The following HTR2C variants were observed in gnomAD, a reference collection of about 807,000 sequenced individuals.
HTR2C encodes the protein 5-hydroxytryptamine (serotonin) receptor 2C, G protein-coupled.
Under a neutral mutation model 21.0 loss-of-function variants are expected in HTR2C, and 5 were observed. The ratio of observed to expected loss-of-function variants is 0.24; its 90% CI spans 0.12 to 0.50. The LOEUF (loss-of-function observed/expected upper bound fraction) is 0.50, where lower values mean the gene tolerates loss of function less well. HTR2C is among the 20% of genes least tolerant of loss of function. The pLI is 0.98. For synonymous variants in HTR2C, 150 were observed against 145.3 expected (o/e 1.03, Z -0.23); for missense variants, 271 against 371.2 (o/e 0.73, Z 2.22).
intron 4 of HTR2C, among the ~76,000 whole-genome samples, chrX:114,842,703 G>A (rs1399320293): frequency 2.7e-5 from 3 of 111,595 alleles, no homozygotes; most frequent in Non-Finnish European, 3.8e-5. Context: ...GAAGTATAAA[G>A]TTGAGGCTGA....
chrX:114,791,302 T>TGAGTATAG (rs1218543611), intron 4 of HTR2C, among the ~76,000 whole-genome samples: 1 of 112,576 alleles, frequency 8.9e-6, no homozygotes, highest in African/African-American at 3.2e-5. Context: ...AACATATAAA[T>TGAGTATAG]GAGTATAGGA....
At chrX:114,774,782 A>G (rs782022617) in intron 4 of HTR2C, 6 of 336,762 alleles carry the variant, frequency 1.8e-5, no homozygotes, top group South Asian at 5.1e-5. Context: ...AGGTCCTTCA[A>G]TGTTTTAAAT....
chrX:114,848,670 C>T (rs1431526373), intron 5 of HTR2C, among the ~76,000 whole-genome samples: 1 of 110,947 alleles, frequency 9.0e-6, no homozygotes, highest in African/African-American at 3.3e-5. Context: ...TCTAAATCAT[C>T]ATCAAGTAAA....
intron 4 of HTR2C, among the ~76,000 whole-genome samples, chrX:114,760,140 G>C (rs950660064): frequency 9.0e-6 from 1 of 111,344 alleles, no homozygotes; most frequent in African/African-American, 3.3e-5. Context: ...AAAGCAAGAG[G>C]CAAAAAGAAA....
At chrX:114,835,307 A>T (rs2070771074) in intron 4 of HTR2C, among the ~76,000 whole-genome samples, 1 of 104,930 alleles carries the variant, frequency 9.5e-6, no homozygotes, top group South Asian at 4.6e-4. Context: ...GTGTTTTCCA[A>T]CTTGGTTCCA....
chrX:114,703,232 T>C (rs1192648083), intron 2 of HTR2C, among the ~76,000 whole-genome samples: 1 of 106,989 alleles, frequency 9.3e-6, no homozygotes, highest in African/African-American at 3.4e-5. Flanking sequence ...TACAGAACTC[T>C]CCACCCCAAA....
Position 114,905,354 on chromosome X carries a change from T to C in HTR2C, c.551-1235T>C, listed in dbSNP as rs182260838. On this transcript the variant is annotated intron_variant, in intron 5 of 5. Coordinates refer to ENST00000276198, the MANE Select transcript of HTR2C (RefSeq NM_000868.4). ...TTTCTATCTTCCCAGAGATTAAACA[T>C]CCGTCAACATTCTCAGCAAGCTCTA... 2.6e-4 allele frequency among the ~76,000 whole-genome samples: 29 copies of C among 112,228 alleles called. No individual in the cohort carries two copies. In the East Asian group the frequency reaches 7.9e-3, roughly 31 times the overall value.
chrX:114,894,471 C>G (rs1475956111), intron 5 of HTR2C, among the ~76,000 whole-genome samples: 2 of 110,002 alleles, frequency 1.8e-5, no homozygotes, highest in East Asian at 5.7e-4. Flanking sequence ...TGATAAGTAT[C>G]TAAAGAGTCA....
intron 1 of HTR2C, among the ~76,000 whole-genome samples, chrX:114,596,386 G>C (rs1473065255): frequency 8.9e-6 from 1 of 112,040 alleles, no homozygotes; most frequent in Admixed American, 9.5e-5. Flanking sequence ...TAAATGCTGA[G>C]TTTATGGTTT....
At chrX:114,716,244 A>G (rs1304946772) in intron 2 of HTR2C, among the ~76,000 whole-genome samples, 1 of 112,978 alleles carries the variant, frequency 8.9e-6, no homozygotes, top group Non-Finnish European at 1.9e-5. Context: ...GATTTGCAAT[A>G]GCTACTTTAA....
chrX:114,909,370 T>C lies in HTR2C; in HGVS notation c.*1955T>C, dbSNP rs2071398250. The C allele has an allele frequency of 8.9e-6, 1 of 112,440 alleles. No homozygotes were observed. Among genetic ancestry groups the C allele is most frequent in the African/African-American group, 3.2e-5 (1 of 30,901 alleles). 9.3% of individuals were successfully genotyped at this position (112,440 alleles called of 1,213,427 possible). A position where few individuals can be genotyped will look rare whatever the true frequency, so the allele number is the denominator to read the frequency against. On this transcript the variant is annotated 3_prime_UTR_variant, in exon 6 of 6. Transcript: ENST00000276198. The stretch of plus-strand genomic sequence containing the variant: ...GTGTCCTGCATGTATGCCATGTATG[T>C]TGCATGAATCCATCGATTTGTATTA...
chrX:114,655,268 T>G (rs1334511426), intron 2 of HTR2C, among the ~76,000 whole-genome samples: 3 of 111,195 alleles, frequency 2.7e-5, no homozygotes, highest in Non-Finnish European at 3.8e-5. Flanking sequence ...TGCTTTAGGT[T>G]GTTCATAGAA....
At chrX:114,753,288 C>T (rs1556428718) in intron 4 of HTR2C, among the ~76,000 whole-genome samples, 1 of 111,307 alleles carries the variant, frequency 9.0e-6, no homozygotes, top group African/African-American at 3.3e-5. Context: ...GGGCACAAGA[C>T]AATGCATTCC....
chrX:114,612,996 G>A lies in HTR2C; in HGVS notation c.-146-819G>A, dbSNP rs1327402456. On this transcript the variant is annotated intron_variant, in intron 1 of 5. Transcript: ENST00000276198. ...TCTGTCACCCAGGCTGGAGTGCAGC[G>A]GCCGATCTCGGCTCACTGCAACTTC... Among the ~76,000 whole-genome samples, 8 of 109,152 alleles carry A rather than the reference G, an allele frequency of 7.3e-5. No homozygotes were observed. The East Asian group carries it at 2.3e-3, about 32-fold the overall frequency. The allele number at this position is 109,152 out of a possible 115,157, so 94.8% of individuals were successfully genotyped here.
chrX:114,793,441 G>A (rs978467841), intron 4 of HTR2C, among the ~76,000 whole-genome samples: 1 of 111,531 alleles, frequency 9.0e-6, no homozygotes, highest in Non-Finnish European at 1.9e-5. Context: ...TTGGACATAG[G>A]ACAATTAACT....
chrX:114,900,726 A>G (rs1229958256), intron 5 of HTR2C, among the ~76,000 whole-genome samples: 1 of 112,022 alleles, frequency 8.9e-6, no homozygotes, highest in Non-Finnish European at 1.9e-5. Flanking sequence ...GTTCTAGGAA[A>G]CGTATTCTCT....
intron 2 of HTR2C, among the ~76,000 whole-genome samples, chrX:114,698,462 ACACACACACACAAACACG>A (rs1932352223): frequency 2.3e-3 from 75 of 33,168 alleles, no homozygotes; most frequent in African/African-American, 6.1e-3. Context: ...ACACACAAAC[ACACACACACACAAACACG>A]CACACACACA....
intron 4 of HTR2C, among the ~76,000 whole-genome samples, chrX:114,822,177 T>G (rs1459109247): frequency 2.7e-5 from 3 of 111,724 alleles, no homozygotes; most frequent in Admixed American, 9.6e-5. Flanking sequence ...AAATTATATT[T>G]TTTTCTATTG....
chrX:114,597,424 A>G (rs1401216908), intron 1 of HTR2C, among the ~76,000 whole-genome samples: 10 of 111,292 alleles, frequency 9.0e-5, no homozygotes, highest in Non-Finnish European at 1.3e-4. Flanking sequence ...GCATGCAACA[A>G]AAATGAAGAC....
Sources: allele counts gnomAD v4.1 joint callset (sites outside exome capture counted in the v4.1 genomes callset), GRCh38; gene constraint gnomAD v4.1.1; transcripts MANE v1.5; gene names NCBI Gene and HGNC (gene_info 2026-07-23, HGNC 2026-07-21).